ETFA: variants seen among roughly 807,000 people sequenced by gnomAD.
The protein encoded by ETFA is electron transfer flavoprotein subunit alpha, mitochondrial.
In ETFA, 22 loss-of-function variants were observed where a neutral mutation model predicts 46.2. That is an observed-to-expected ratio of 0.48 (90% CI 0.34 to 0.68). The LOEUF (loss-of-function observed/expected upper bound fraction) is 0.68. Among genes scored for constraint, ETFA ranks in the 30% least tolerant of loss-of-function variants. ETFA has a pLI of 0.01. For missense variants in ETFA, 345 were observed against 401.1 expected (o/e 0.86, Z 1.19); for synonymous variants, 131 against 139.9 (o/e 0.94, Z 0.45).
At chr15:76,271,909 G>A (rs1244727370) in intron 9 of ETFA, among the ~76,000 whole-genome samples, 1 of 124,616 alleles carries the variant, frequency 8.0e-6, no homozygotes, top group East Asian at 2.8e-4. Flanking sequence ...ATATGTGTGT[G>A]TATATACACA....
At chr15:76,259,183 G>C in intron 9 of ETFA, 1 of 1,519,014 alleles carries the variant, frequency 6.6e-7, no homozygotes, top group Non-Finnish European at 9.1e-7. Flanking sequence ...CTGTAGGGCT[G>C]ATCCCCGCTA....
chr15:76,215,824 T>C lies in ETFA; in HGVS notation c.*735A>G, dbSNP rs1293246147. 6.6e-6 allele frequency: 1 copy of C among 152,210 alleles called. No homozygotes were observed. Among genetic ancestry groups the C allele is most frequent in the Non-Finnish European group, 1.5e-5 (1 of 68,086 alleles). The allele number at this position is 152,210 out of a possible 1,614,324, so 9.4% of individuals were successfully genotyped here. A position where few individuals can be genotyped will look rare whatever the true frequency, so the allele number is the denominator to read the frequency against. On this transcript the variant is annotated 3_prime_UTR_variant, in exon 12 of 12. Coordinates refer to ENST00000557943, the MANE Select transcript of ETFA (RefSeq NM_000126.4). ...AGGATTTTGAATGTTTATAATAACA[T>C]CAAACTATCTGCTTGCATCAGAGGC...
At chr15:76,292,310 A>T (rs777610247) in intron 4 of ETFA, 121 bp downstream of exon 4, 6 of 769,316 alleles carry the variant, frequency 7.8e-6, no homozygotes, top group Non-Finnish European at 1.4e-5. Flanking sequence ...TAGCAAAACT[A>T]CCACATCAAT....
At chr15:76,289,619 A>T (rs2039738792) in intron 4 of ETFA, among the ~76,000 whole-genome samples, 1 of 152,216 alleles carries the variant, frequency 6.6e-6, no homozygotes, top group African/African-American at 2.4e-5. Flanking sequence ...AGCTGCCTGC[A>T]TGGTTTCTGG....
At chr15:76,294,882 A>G (rs1017261783) in intron 2 of ETFA, among the ~76,000 whole-genome samples, 1 of 152,178 alleles carries the variant, frequency 6.6e-6, no homozygotes, top group African/African-American at 2.4e-5. Context: ...TAAAATCCTC[A>G]AAACATACTC....
chr15:76,245,777 T>C (rs2039237392), intron 9 of ETFA, among the ~76,000 whole-genome samples: 1 of 152,228 alleles, frequency 6.6e-6, no homozygotes, highest in East Asian at 1.9e-4. Context: ...AATATGCTTA[T>C]ATGTTCAGGT....
In ETFA at chr15:76,215,413, AGTC is replaced by A. The variant is rs1192720753; in HGVS notation, c.*1143_*1145del. 1 of 152,142 alleles carries A rather than the reference AGTC, an allele frequency of 6.6e-6. No individual in the cohort carries two copies. Among genetic ancestry groups the A allele is most frequent in the East Asian group, 1.9e-4 (1 of 5,190 alleles). 9.4% of individuals were successfully genotyped at this position (152,142 alleles called of 1,614,324 possible). A position where few individuals can be genotyped will look rare whatever the true frequency, so the allele number is the denominator to read the frequency against. On this transcript the variant is annotated 3_prime_UTR_variant, in exon 12 of 12. Transcript: ENST00000557943. ...TGACACAAATCAGAAAGGGTTCACT[AGTC>A]AGCTGGGGAAGGGCCCCAGGCTGGT...
At position 76,292,361 on chromosome 15, in the gene ETFA, T is replaced by C. The variant is rs921927813; in HGVS notation, c.351+70A>G. 6.6e-6 allele frequency: 7 copies of C among 1,065,962 alleles called. No individual in the cohort carries two copies. The African/African-American group carries it at 7.8e-5, about 12-fold the overall frequency. The allele number at this position is 1,065,962 out of a possible 1,614,324, so 66.0% of individuals were successfully genotyped here. A position where few individuals can be genotyped will look rare whatever the true frequency, so the allele number is the denominator to read the frequency against. ...TTGGCTACATAAACAGTCTGTTGCA[T>C]ACTTTCAGCACAATGAAATCTAACC... is the stretch of plus-strand genomic sequence containing the variant. On this transcript the variant is annotated intron_variant, in intron 4 of 11. Transcript: ENST00000557943.
At position 76,295,729 on chromosome 15, in the gene ETFA, C is replaced by T; in HGVS notation, c.48G>A (p.Leu16=). The change falls in exon 2 of 12, where the codon TTG becomes TTA. Residue 16 remains leucine (L), a synonymous_variant. Transcript: ENST00000557943. ...APGQLRRAAS[L]LRFQSTLVIA... Reference sequence around the variant, plus strand: ...TTACCAGGGTACTCTGAAATCGTAGCAATGAGGCCTAAAAAGAGCAAAAAG... The same window carrying T: ...TTACCAGGGTACTCTGAAATCGTAGTAATGAGGCCTAAAAAGAGCAAAAAG... The T allele has an allele frequency of 6.3e-7, 1 of 1,594,262 alleles. No homozygotes were observed. The highest frequency in any genetic ancestry group is 8.5e-7 in the Non-Finnish European group (1 of 1,172,674).
At chr15:76,309,045 T>C (rs2039963157) in intron 1 of ETFA, among the ~76,000 whole-genome samples, 1 of 152,254 alleles carries the variant, frequency 6.6e-6, no homozygotes, top group South Asian at 2.1e-4. Context: ...ATTTAAAAAG[T>C]TAAATACAGG....
chr15:76,309,095 T>C (rs2039963617), intron 1 of ETFA, among the ~76,000 whole-genome samples: 1 of 152,222 alleles, frequency 6.6e-6, no homozygotes. Context: ...TTTAGAAGTG[T>C]TGCCACCATT....
At chr15:76,243,303 G>A (rs2039210103) in intron 9 of ETFA, among the ~76,000 whole-genome samples, 2 of 151,024 alleles carry the variant, frequency 1.3e-5, no homozygotes, top group South Asian at 2.1e-4. Flanking sequence ...AAAAAAAATC[G>A]TTAAAACGGC....
intron 9 of ETFA, among the ~76,000 whole-genome samples, chr15:76,264,792 C>A (rs559824466): frequency 1.3e-5 from 2 of 152,270 alleles, no homozygotes; most frequent in Admixed American, 6.5e-5. Flanking sequence ...GAATATGTCC[C>A]GTTTCTCAGG....
At chr15:76,231,745 T>C (rs113689157) in intron 9 of ETFA, among the ~76,000 whole-genome samples, 321 of 152,234 alleles carry the variant, frequency 2.1e-3, no homozygotes, top group African/African-American at 6.9e-3. Flanking sequence ...CACTTGAAAA[T>C]CACTGCACAA....
At chr15:76,226,873 C>T (rs777651211) in intron 10 of ETFA, among the ~76,000 whole-genome samples, 5 of 151,670 alleles carry the variant, frequency 3.3e-5, no homozygotes, top group Non-Finnish European at 5.9e-5. Context: ...AGTGAGACTC[C>T]GTCTCAAAAA....
chr15:76,244,327 A>G (rs528697917), intron 9 of ETFA, among the ~76,000 whole-genome samples: 19 of 152,382 alleles, frequency 1.2e-4, no homozygotes, highest in African/African-American at 3.8e-4. Flanking sequence ...CCAGTTAAAA[A>G]TAAATTTACT....
chr15:76,277,512 A>AAAC (rs2039606160), intron 8 of ETFA, among the ~76,000 whole-genome samples: 1 of 151,788 alleles, frequency 6.6e-6, no homozygotes, highest in Non-Finnish European at 1.5e-5. Flanking sequence ...AACAAAAAAA[A>AAAC]AAAACAAAAA....
At chr15:76,276,786 T>TAC (rs2039597182) in intron 8 of ETFA, among the ~76,000 whole-genome samples, 1 of 152,226 alleles carries the variant, frequency 6.6e-6, no homozygotes, top group Non-Finnish European at 1.5e-5. Flanking sequence ...CAATGTTTTT[T>TAC]ATCTCTAGCA....
chr15:76,231,438 T>C, intron 9 of ETFA, 40 bp from the exon 10 acceptor site: 3 of 1,250,494 alleles, frequency 2.4e-6, no homozygotes, highest in Non-Finnish European at 3.4e-6. Context: ...TGTATTTATA[T>C]TATATAATAC....
Sources: gnomAD v4.1 joint callset for allele counts (sites outside exome capture counted in the v4.1 genomes callset) on GRCh38, gnomAD v4.1.1 for gene constraint, MANE v1.5 for transcripts, NCBI Gene and HGNC (gene_info 2026-07-23, HGNC 2026-07-21) for gene names.